The following PHF20 variants were observed in gnomAD, a reference collection of about 807,000 sequenced individuals.
The protein encoded by PHF20 is PHD finger protein 20, also known as glioma-expressed antigen 2.
In PHF20, 23 loss-of-function variants were observed where a neutral mutation model predicts 113.5. The ratio of observed to expected loss-of-function variants is 0.20; its 90% CI spans 0.15 to 0.29. The LOEUF is 0.29. Ranked by LOEUF, PHF20 falls within the 10% of genes least tolerant of loss-of-function variation. The probability of loss-of-function intolerance (pLI) is 1.00; values close to 1 mark genes in which losing one functional copy is unlikely to be tolerated. For missense variants in PHF20, 943 were observed against 1,219.6 expected (o/e 0.77, Z 3.38); for synonymous variants, 434 against 457.3 (o/e 0.95, Z 0.65).
At chr20:35,920,658 AT>A (rs1245665028) in intron 13 of PHF20, among the ~76,000 whole-genome samples, 2 of 152,180 alleles carry the variant, frequency 1.3e-5, no homozygotes, top group Non-Finnish European at 2.9e-5. Context: ...AACAAGAAAA[AT>A]TTGTTTTTGA....
chr20:35,899,485 C>A lies in PHF20; in HGVS notation c.1398C>A (p.Ala466=). 1 of 1,614,110 alleles carries A rather than the reference C, an allele frequency of 6.2e-7. No homozygotes were observed. Among genetic ancestry groups the A allele is most frequent in the South Asian group, 1.1e-5 (1 of 91,082 alleles). ...ACTGTTTAAAATTTTTCCGCAAAGC[C>A]AAACTGTTGCACTATCACATGAAGT... ...VVDCLKFFRK[A]KLLHYHMKYF... is the part of the protein sequence containing the mutation. The change falls in exon 10 of 18, where the codon GCC becomes GCA. Residue 466 remains alanine (A), a synonymous_variant. Coordinates refer to ENST00000374012, the MANE Select transcript of PHF20 (RefSeq NM_016436.5).
At chr20:35,945,201 A>G (rs1254378489) in intron 17 of PHF20, among the ~76,000 whole-genome samples, 2 of 152,114 alleles carry the variant, frequency 1.3e-5, no homozygotes, top group African/African-American at 2.4e-5. Flanking sequence ...TGGACCACAC[A>G]TTCCTTCTCT....
chr20:35,895,953 C>T (rs2054973413), intron 9 of PHF20, among the ~76,000 whole-genome samples: 1 of 152,138 alleles, frequency 6.6e-6, no homozygotes, highest in Non-Finnish European at 1.5e-5. Context: ...TCCCAAAGTG[C>T]TAGGATTACA....
At chr20:35,907,406 C>T (rs960263223) in intron 10 of PHF20, among the ~76,000 whole-genome samples, 2 of 152,170 alleles carry the variant, frequency 1.3e-5, no homozygotes, top group African/African-American at 4.8e-5. Context: ...ACTCTTTGTC[C>T]AACCTAGTCA....
At chr20:35,790,845 CTG>C (rs2041530593) in intron 1 of PHF20, among the ~76,000 whole-genome samples, 1 of 152,000 alleles carries the variant, frequency 6.6e-6, no homozygotes, top group Non-Finnish European at 1.5e-5. Flanking sequence ...AGCCGCTGAA[CTG>C]TTTTTTTTGT....
rs375246652 is a variant in PHF20 at position 35,939,004 on chromosome 20, C to T, written c.2608C>T (p.Pro870Ser). The change falls in exon 16 of 18, where the codon CCC becomes TCC. Residue 870 changes from proline (P) to serine (S), a missense_variant. Coordinates refer to ENST00000374012, the MANE Select transcript of PHF20 (RefSeq NM_016436.5). ...CTCTGCCCTCGACGATGCGGTCAAC[C>T]CCCTCCATGAGAACGGCGATGATTC... ...RGSALDDAVN[P>S]LHENGDDSLS... is the part of the protein sequence containing the mutation. 8.1e-6 allele frequency: 13 copies of T among 1,614,056 alleles called. No homozygotes were observed. The highest frequency in any genetic ancestry group is 1.3e-5 in the African/African-American group (1 of 74,918).
chr20:35,923,117 AAAAC>A (rs1369413236), intron 13 of PHF20, among the ~76,000 whole-genome samples: 4 of 152,200 alleles, frequency 2.6e-5, no homozygotes, highest in Non-Finnish European at 2.9e-5. Context: ...CCTGTCTCAA[AAAAC>A]AAACAAACAA....
intron 2 of PHF20, among the ~76,000 whole-genome samples, chr20:35,810,882 A>G (rs1382302676): frequency 6.6e-6 from 1 of 152,088 alleles, no homozygotes; most frequent in East Asian, 1.9e-4. Context: ...CTAGACTGAA[A>G]GTGGTTATGT....
At chr20:35,834,160 G>T (rs1350095701) in intron 2 of PHF20, among the ~76,000 whole-genome samples, 1 of 152,002 alleles carries the variant, frequency 6.6e-6, no homozygotes, top group African/African-American at 2.4e-5. Flanking sequence ...TGTCCAGCCT[G>T]GGCTGGACAT....
At chr20:35,805,900 C>T (rs1268604220) in intron 2 of PHF20, among the ~76,000 whole-genome samples, 16 of 150,960 alleles carry the variant, frequency 1.1e-4, no homozygotes, top group African/African-American at 3.7e-4. Flanking sequence ...CTTGCTCTGT[C>T]GCCCAGTCTG....
intron 9 of PHF20, among the ~76,000 whole-genome samples, chr20:35,889,009 C>CTTTTTTTTTTT (rs566960589): frequency 1.5e-4 from 15 of 99,202 alleles, no homozygotes; most frequent in Admixed American, 4.6e-4. Context: ...CTCTTAGTTT[C>CTTTTTTTTTTT]TTTTTTTTTT....
chr20:35,833,017 C>T (rs562606370), intron 2 of PHF20, among the ~76,000 whole-genome samples: 2 of 145,730 alleles, frequency 1.4e-5, no homozygotes, highest in East Asian at 4.0e-4. Context: ...CACCACTGTA[C>T]TCCAGCCTGG....
chr20:35,930,902 G>A (rs1237624962), intron 14 of PHF20, among the ~76,000 whole-genome samples: 4 of 152,132 alleles, frequency 2.6e-5, no homozygotes, highest in East Asian at 3.9e-4. Flanking sequence ...TTAGAGAGTT[G>A]GGGCTTTGGG....
At chr20:35,786,537 A>G (rs1485679093) in intron 1 of PHF20, among the ~76,000 whole-genome samples, 5 of 152,110 alleles carry the variant, frequency 3.3e-5, no homozygotes, top group African/African-American at 1.2e-4. Context: ...CCCTGTCTCT[A>G]CTAAAATACA....
rs755108003 is a variant in PHF20, at chr20:35,931,233, G to C, written c.2105-16G>C. On this transcript the variant is annotated splice_polypyrimidine_tract_variant and intron_variant, in intron 14 of 17. Coordinates refer to ENST00000374012, the MANE Select transcript of PHF20 (RefSeq NM_016436.5). ...CTTCAGGCCTTGTTTTAACCCTCTT[G>C]TTGTCACTGCTGTAGGTCAGAGGCC... 5 of 1,594,712 alleles carry C rather than the reference G, an allele frequency of 3.1e-6. No individual in the cohort carries two copies. The African/African-American group carries it at 5.4e-5, about 17-fold the overall frequency.
chr20:35,852,961 G>T (rs1374468062), intron 4 of PHF20, among the ~76,000 whole-genome samples: 3 of 147,574 alleles, frequency 2.0e-5, no homozygotes, highest in African/African-American at 7.5e-5. Context: ...GGTGGCTGAC[G>T]CCTGTAATCC....
chr20:35,899,012 G>A (rs1191548704), intron 9 of PHF20, among the ~76,000 whole-genome samples: 1 of 152,108 alleles, frequency 6.6e-6, no homozygotes, highest in Non-Finnish European at 1.5e-5. Context: ...GCCTCCCAAA[G>A]TACTAGGATT....
rs145588964 is a variant in PHF20, at chr20:35,801,991, A to C, written c.83+386A>C. 5.7e-3 allele frequency: 932 copies of C among 164,130 alleles called. 13 individuals carry two copies. Among genetic ancestry groups the C allele is most frequent in the African/African-American group, 0.021 (877 of 41,764 alleles). 10.2% of individuals were successfully genotyped at this position (164,130 alleles called of 1,614,324 possible). A position where few individuals can be genotyped will look rare whatever the true frequency, so the allele number is the denominator to read the frequency against. ...CGATTGGAGCAGCTCATGTGTTGTGAACACCCCATCCTATTTTCTGGGCAT... is the reference window on the plus strand; with the variant it reads ...CGATTGGAGCAGCTCATGTGTTGTGCACACCCCATCCTATTTTCTGGGCAT... On this transcript the variant is annotated intron_variant, in intron 2 of 17. Coordinates refer to ENST00000374012, the MANE Select transcript of PHF20 (RefSeq NM_016436.5).
intron 3 of PHF20, among the ~76,000 whole-genome samples, chr20:35,843,724 G>A (rs538273501): frequency 1.7e-3 from 254 of 151,838 alleles, no homozygotes; most frequent in African/African-American, 5.8e-3. Flanking sequence ...CTGGGACCAC[G>A]GGCCCACCAC....
Sources: allele counts gnomAD v4.1 joint callset (sites outside exome capture counted in the v4.1 genomes callset), GRCh38; gene constraint gnomAD v4.1.1; transcripts MANE v1.5; gene names NCBI Gene and HGNC (gene_info 2026-07-23, HGNC 2026-07-21).